The following ZNF587B variants were observed in gnomAD, a reference collection of about 807,000 sequenced individuals.
ZNF587B encodes the protein zinc finger protein 587B.
ZNF587B carries 6 observed loss-of-function variants against 7.2 expected under a neutral mutation model. The observed-to-expected ratio is 0.83, with a 90% CI of 0.46 to 1.65. The LOEUF is 1.65. Ranked by LOEUF, ZNF587B falls within the 40% of genes most tolerant of loss-of-function variation. The pLI is 0.01. For missense variants in ZNF587B, 749 were observed against 761.0 expected (o/e 0.98, Z 0.19); for synonymous variants, 274 against 254.3 (o/e 1.08, Z -0.74).
Position 57,841,820 on chromosome 19 carries a change from C to A in ZNF587B, c.1146C>A (p.Tyr382Ter), listed in dbSNP as rs776904715. 5.0e-6 allele frequency: 8 copies of A among 1,611,552 alleles called. No individual in the cohort carries two copies. Residue 382 changes from tyrosine to a stop codon, truncating the protein, a stop_gained, in exon 3 of 3, where the codon TAC becomes TAA. Transcript: ENST00000594901. LOFTEE classifies it low-confidence loss of function (END_TRUNC). Reference sequence around the variant, plus strand: ...GCATTCACACTGAAGTAAGACCTTACAAGTGTGGAGAATGTGGGAAATCTT... The same window carrying A: ...GCATTCACACTGAAGTAAGACCTTAAAAGTGTGGAGAATGTGGGAAATCTT... ...HQRIHTEVRP[Y>*]KCGECGKSYI...
rs773938365 is a variant in ZNF587B, at chr19:57,841,281, T to C, written c.607T>C (p.Cys203Arg). 5 of 1,613,932 alleles carry C rather than the reference T, an allele frequency of 3.1e-6. No homozygotes were observed. In the African/African-American group the frequency reaches 5.3e-5, roughly 17 times the overall value. The change falls in exon 3 of 3, where the codon TGT becomes CGT. Residue 203 changes from cysteine (C) to arginine (R), a missense_variant. Transcript: ENST00000594901. ...TGEKSNSKTE[C>R]VSPFQCGGAH... ...GGAGAAGTCAAACAGCAAAACTGAG[T>C]GTGTGTCTCCCTTTCAGTGTGGGGG...
At position 57,842,165 on chromosome 19, in the gene ZNF587B, G is replaced by A; in HGVS notation, c.1491G>A (p.Glu497=). The change falls in exon 3 of 3, where the codon GAG becomes GAA. Residue 497 remains glutamate (E), a synonymous_variant. Transcript: ENST00000594901. Reference sequence around the variant, plus strand: ...GTGGAGAGAAGCCATATGCTTGTGAGGCTTGTCAGAAATTTTTTAGGCACA... The same window carrying A: ...GTGGAGAGAAGCCATATGCTTGTGAAGCTTGTCAGAAATTTTTTAGGCACA... ...IHSGEKPYAC[E]ACQKFFRHKC... 1 of 1,612,936 alleles carries A rather than the reference G, an allele frequency of 6.2e-7. No homozygotes were observed. The highest frequency in any genetic ancestry group is 8.5e-7 in the Non-Finnish European group (1 of 1,179,564).
At position 57,830,628 on chromosome 19, in the gene ZNF587B, C is replaced by A. The variant is rs988914613; in HGVS notation, c.36+64C>A. 7.9e-6 allele frequency: 12 copies of A among 1,528,386 alleles called. No individual in the cohort carries two copies. In the African/African-American group the frequency reaches 1.4e-4, roughly 18 times the overall value. 94.7% of individuals were successfully genotyped at this position (1,528,386 alleles called of 1,614,324 possible). A position where few individuals can be genotyped will look rare whatever the true frequency, so the allele number is the denominator to read the frequency against. ...CATCACCCAAAAGCCTGTAGTCTTGCAAGGAAGAGTCTTTAAGGTGGCAGA... is the reference window on the plus strand; with the variant it reads ...CATCACCCAAAAGCCTGTAGTCTTGAAAGGAAGAGTCTTTAAGGTGGCAGA... On this transcript the variant is annotated intron_variant, in intron 1 of 2. Transcript: ENST00000594901.
rs766541866 is a variant in ZNF587B, at chr19:57,841,691, G to A, written c.1017G>A (p.Val339=). Residue 339 remains valine (V), a synonymous_variant, in exon 3 of 3, where the codon GTG becomes GTA. Coordinates refer to ENST00000594901, the MANE Select transcript of ZNF587B (RefSeq NM_001376223.1). ...GTGGGAAATCTTTTAGTTCAAACGT[G>A]AACCTTAAGAGTCATCAGCGCATTC... is the stretch of plus-strand genomic sequence containing the variant. ...GECGKSFSSN[V]NLKSHQRIHT... 2.5e-6 allele frequency: 4 copies of A among 1,605,714 alleles called. No individual in the cohort carries two copies. In the South Asian group the frequency reaches 3.3e-5, roughly 13 times the overall value.
chr19:57,839,805 G>T (rs1449811753), intron 2 of ZNF587B, among the ~76,000 whole-genome samples: 1 of 152,094 alleles, frequency 6.6e-6, no homozygotes, highest in East Asian at 1.9e-4. Context: ...CCTGGGCTGG[G>T]GATGGTGGCT....
At position 57,841,916 on chromosome 19, in the gene ZNF587B, C is replaced by T. The variant is rs780196280; in HGVS notation, c.1242C>T (p.Asp414=). Reference sequence around the variant, plus strand: ...GAGAAAGACCTTACAAGTGTGGAGACTGTGGGAAATCTTTTAATGAAAAAG... The same window carrying T: ...GAGAAAGACCTTACAAGTGTGGAGATTGTGGGAAATCTTTTAATGAAAAAG... ...HTGERPYKCG[D]CGKSFNEKGH... The change falls in exon 3 of 3, where the codon GAC becomes GAT. Residue 414 remains aspartate, a synonymous_variant. Transcript: ENST00000594901. 7 of 1,613,082 alleles carry T rather than the reference C, an allele frequency of 4.3e-6. No individual in the cohort carries two copies. The highest frequency in any genetic ancestry group is 2.2e-5 in the South Asian group (2 of 91,028).
Position 57,842,045 on chromosome 19 carries a change from G to C in ZNF587B, c.1371G>C (p.Gln457His). 1 of 1,590,652 alleles carries C rather than the reference G, an allele frequency of 6.3e-7. No individual in the cohort carries two copies. Among genetic ancestry groups the C allele is most frequent in the Non-Finnish European group, 8.6e-7 (1 of 1,168,230 alleles). Residue 457 changes from glutamine (Q) to histidine (H), a missense_variant, in exon 3 of 3, where the codon CAG becomes CAC. Coordinates refer to ENST00000594901, the MANE Select transcript of ZNF587B (RefSeq NM_001376223.1). ...FSHKGNLILH[Q>H]HGHTRKRPYM... ...ACAAGGGTAACCTCATTCTACACCA[G>C]CATGGCCATACTAGAAAAAGGCCTT... is the stretch of plus-strand genomic sequence containing the variant.
chr19:57,844,400 C>G lies in ZNF587B; in HGVS notation c.*1824C>G, dbSNP rs377414500. 68 of 280,700 alleles carry G rather than the reference C, an allele frequency of 2.4e-4. No homozygotes were observed. The highest frequency in any genetic ancestry group is 1.3e-3 in the African/African-American group (56 of 42,730). 17.4% of individuals were successfully genotyped at this position (280,700 alleles called of 1,614,324 possible). On this transcript the variant is annotated 3_prime_UTR_variant, in exon 3 of 3. Transcript: ENST00000594901. ...CCTGTAGCCGCAGCTACTCAGGAGG[C>G]TGAGGCAGGAAAATTGCTTGAACCC...
chr19:57,838,986 G>T (rs752094338), intron 1 of ZNF587B, 37 bp from the exon 2 acceptor site: 2 of 1,605,432 alleles, frequency 1.2e-6, no homozygotes, highest in Non-Finnish European at 1.7e-6. Flanking sequence ...CTCAGCATAG[G>T]GGTGGTTTGT....
chr19:57,842,292 CAT>C lies in ZNF587B; in HGVS notation c.1620_1621del (p.His540GlnfsTer11). On this transcript the variant is annotated frameshift_variant, in exon 3 of 3. Transcript: ENST00000594901. LOFTEE classifies it low-confidence loss of function (END_TRUNC). ...TACCCACAGCTGTGCATTCATTGTT[CAT>C]AAGAGAGTTCACACTGGTCAGAAGC... ...SFTHSCAFIV[H>X]KRVHTGQKPY... 6.2e-7 allele frequency: 1 copy of C among 1,612,620 alleles called. No homozygotes were observed. Among genetic ancestry groups the C allele is most frequent in the Non-Finnish European group, 8.5e-7 (1 of 1,179,224 alleles).
At position 57,841,138 on chromosome 19, in the gene ZNF587B, C is replaced by T. The variant is rs536669289; in HGVS notation, c.464C>T (p.Ala155Val). 64 of 1,614,076 alleles carry T rather than the reference C, an allele frequency of 4.0e-5. No homozygotes were observed. In the South Asian group the frequency reaches 5.9e-4, roughly 15 times the overall value. Residue 155 changes from alanine to valine, a missense_variant, in exon 3 of 3, where the codon GCG becomes GTG. Physicochemically the swap from Ala to Val is moderately conservative, Grantham distance 64. Coordinates refer to ENST00000594901, the MANE Select transcript of ZNF587B (RefSeq NM_001376223.1). ...CCCTACAGAGGGAGTGTTGAGGAGG[C>T]GTTGTTTGTGAAGAGGTGTAAGTTG... is the stretch of plus-strand genomic sequence containing the variant. ...EKPYRGSVEE[A>V]LFVKRCKLHV...
chr19:57,840,524 C>T (rs940273022), intron 2 of ZNF587B, among the ~76,000 whole-genome samples: 3 of 152,178 alleles, frequency 2.0e-5, no homozygotes, highest in Non-Finnish European at 4.4e-5. Flanking sequence ...ACAAATCCCT[C>T]TCTACAGCAC....
At position 57,841,510 on chromosome 19, in the gene ZNF587B, T is replaced by C. The variant is rs771931504; in HGVS notation, c.836T>C (p.Phe279Ser). ...GAATGTGGAGAATGTGAGAAATCTTTTAGTCAAAAGAGCAGCCTCATTCAA... is the reference window on the plus strand; with the variant it reads ...GAATGTGGAGAATGTGAGAAATCTTCTAGTCAAAAGAGCAGCCTCATTCAA... The part of the protein sequence containing the change: ...PYECGECEKS[F>S]SQKSSLIQHQ... Residue 279 changes from phenylalanine to serine, a missense_variant, in exon 3 of 3, where the codon TTT (phenylalanine) becomes TCT (serine). Physicochemically the swap from Phe to Ser is radical, Grantham distance 155. Coordinates refer to ENST00000594901, the MANE Select transcript of ZNF587B (RefSeq NM_001376223.1). 6 of 1,585,264 alleles carry C rather than the reference T, an allele frequency of 3.8e-6. No individual in the cohort carries two copies. Among genetic ancestry groups the C allele is most frequent in the Non-Finnish European group, 5.1e-6 (6 of 1,165,206 alleles).
At chr19:57,836,552 T>C (rs1181248615) in intron 1 of ZNF587B, among the ~76,000 whole-genome samples, 1 of 152,204 alleles carries the variant, frequency 6.6e-6, no homozygotes, top group Non-Finnish European at 1.5e-5. Context: ...AACATGGTCT[T>C]GCCTTGTCGT....
In ZNF587B at chr19:57,840,960, A is replaced by G. The variant is rs1393846462; in HGVS notation, c.286A>G (p.Met96Val). ...TCCCAAGAAGGCCCACCCCTGTGAG[A>G]TGTGTGGCCCGATCTTGGGAGACAT... ...VSPKKAHPCE[M>V]CGPILGDILH... The change falls in exon 3 of 3, where the codon ATG becomes GTG. Residue 96 changes from methionine to valine, a missense_variant. By Grantham distance (21) the Met-to-Val change is conservative. Around this residue, in one of 3 missense-constraint regions of ZNF587B, gnomAD observed 72 missense variants for 147.8 expected, o/e 0.49. Coordinates refer to ENST00000594901, the MANE Select transcript of ZNF587B (RefSeq NM_001376223.1). 2 of 1,591,062 alleles carry G rather than the reference A, an allele frequency of 1.3e-6. No individual in the cohort carries two copies. The highest frequency in any genetic ancestry group is 1.7e-6 in the Non-Finnish European group (2 of 1,167,412).
chr19:57,830,686 G>A (rs1331188135), intron 1 of ZNF587B, 122 bp downstream of exon 1: 2 of 1,160,014 alleles, frequency 1.7e-6, no homozygotes, highest in South Asian at 1.4e-5. Flanking sequence ...TTTTTATTAG[G>A]AGTGACTGTC....
chr19:57,843,435 T>A lies in ZNF587B; in HGVS notation c.*859T>A, dbSNP rs550875292. On this transcript the variant is annotated 3_prime_UTR_variant, in exon 3 of 3. Coordinates refer to ENST00000594901, the MANE Select transcript of ZNF587B (RefSeq NM_001376223.1). ...GCTAGACTTATGTGACTGCCACTTA[T>A]CTGGCAAAAGCCATTACATCTCAGC... is the stretch of plus-strand genomic sequence containing the variant. The A allele has an allele frequency of 5.1e-6, 5 of 985,216 alleles. No homozygotes were observed. The highest frequency in any genetic ancestry group is 6.0e-6 in the Non-Finnish European group (5 of 829,840). The allele number at this position is 985,216 out of a possible 1,614,324, so 61.0% of individuals were successfully genotyped here. A position where few individuals can be genotyped will look rare whatever the true frequency, so the allele number is the denominator to read the frequency against.
chr19:57,832,933 TG>T (rs1295622660), intron 1 of ZNF587B, among the ~76,000 whole-genome samples: 2 of 152,094 alleles, frequency 1.3e-5, no homozygotes, highest in African/African-American at 2.4e-5. Flanking sequence ...TGCCTGAAAC[TG>T]GGGGTTGGGA....
chr19:57,840,680 G>C (rs970196252), intron 2 of ZNF587B, among the ~76,000 whole-genome samples, 158 bp from the exon 3 acceptor site: 4 of 152,148 alleles, frequency 2.6e-5, no homozygotes, highest in African/African-American at 9.7e-5. Context: ...TTATAGTCCA[G>C]TAATAATACA....
Sources: gnomAD v4.1 joint callset for allele counts (sites outside exome capture counted in the v4.1 genomes callset) on GRCh38, gnomAD v4.1.1 for gene constraint, gnomAD v4.1.1 regional missense constraint, MANE v1.5 for transcripts, NCBI Gene and HGNC (gene_info 2026-07-23, HGNC 2026-07-21) for gene names.